The following TIGAR variants were observed in gnomAD, a reference collection of about 807,000 sequenced individuals.
TIGAR encodes TP53 induced glycolysis regulatory phosphatase.
A neutral mutation model predicts 17.9 loss-of-function variants in TIGAR; 7 were observed. The ratio of observed to expected loss-of-function variants is 0.39; its 90% CI spans 0.22 to 0.73. The LOEUF is 0.73. TIGAR is among the 30% of genes least tolerant of loss of function. The probability of loss-of-function intolerance (pLI) is 0.42; values close to 1 mark genes in which losing one functional copy is unlikely to be tolerated. For synonymous variants in TIGAR, 94 were observed against 108.6 expected, an observed-to-expected ratio of 0.87 and a Z score of 0.84; for missense variants, 258 against 327.4, an observed-to-expected ratio of 0.79 and a Z score of 1.64.
intron 3 of TIGAR, among the ~76,000 whole-genome samples, chr12:4,337,692 G>A (rs1864675194): frequency 6.6e-6 from 1 of 152,180 alleles, no homozygotes; most frequent in African/African-American, 2.4e-5. Context: ...AAGCTATTAT[G>A]AGAGAGAGCA....
At position 4,325,326 on chromosome 12, in the gene TIGAR, G is replaced by T. The variant is rs556495129; in HGVS notation, c.32+4023G>T. 2.2e-4 allele frequency among the ~76,000 whole-genome samples: 33 copies of T among 152,192 alleles called. No homozygotes were observed. In the East Asian group the frequency reaches 5.8e-3, roughly 27 times the overall value. The stretch of plus-strand genomic sequence containing the variant: ...TACTTTTTGTGTAATGCTAATAATT[G>T]TTCTGTATATTAATAAAGCAAGCAA... On this transcript the variant is annotated intron_variant, in intron 1 of 5. Transcript: ENST00000179259.
rs188657967 is a variant in TIGAR at position 4,340,506 on chromosome 12, A to G, written c.192+3346A>G. Among the ~76,000 whole-genome samples the G allele has an allele frequency of 1.5e-4, 23 of 152,368 alleles. No homozygotes were observed. In the East Asian group the frequency reaches 4.0e-3, roughly 27 times the overall value. On this transcript the variant is annotated intron_variant, in intron 3 of 5. Transcript: ENST00000179259. ...AATCTACAGATTCAATGCAATTTCT[A>G]TCAAAATACCAATGACATTCTTCAC...
rs4026708 is a variant in TIGAR, at chr12:4,358,103, CAAAA to C, written c.*5427_*5430del. Among the ~76,000 whole-genome samples the C allele has an allele frequency of 3.2e-5, 4 of 123,244 alleles. No individual in the cohort carries two copies. Among genetic ancestry groups the C allele is most frequent in the Admixed American group, 8.6e-5 (1 of 11,688 alleles). 80.9% of individuals were successfully genotyped at this position (123,244 alleles called of 152,430 possible). On this transcript the variant is annotated 3_prime_UTR_variant, in exon 6 of 6. Coordinates refer to ENST00000179259, the MANE Select transcript of TIGAR (RefSeq NM_020375.3). ...TGGGTGACAGAGCAAGACTGGGTCT[CAAAA>C]AAAAAAAAAAAAAATCATTTGATAA...
At chr12:4,340,430 T>C (rs754564925) in intron 3 of TIGAR, among the ~76,000 whole-genome samples, 3 of 152,220 alleles carry the variant, frequency 2.0e-5, no homozygotes, top group Non-Finnish European at 2.9e-5. Context: ...ATATTCTATA[T>C]TCATAGATTA....
At chr12:4,333,658 G>A (rs571187383) in intron 2 of TIGAR, among the ~76,000 whole-genome samples, 3 of 152,184 alleles carry the variant, frequency 2.0e-5, no homozygotes, top group East Asian at 1.9e-4. Flanking sequence ...TAGTAGAGAC[G>A]GGGTTTTACC....
In TIGAR at chr12:4,351,268, A is replaced by C. The variant is rs762896513; in HGVS notation, c.272A>C (p.Lys91Thr). The C allele has an allele frequency of 8.1e-6, 13 of 1,613,864 alleles. No individual in the cohort carries two copies. In the Admixed American group the frequency reaches 2.2e-4, roughly 27 times the overall value. ...VKYDSRLRER[K>T]YGVVEGKALS... is the part of the protein sequence containing the mutation. ...CTGTTATCTATTGGACTGTTTCAGA[A>C]ATACGGGGTTGTAGAAGGCAAAGCG... The change falls in exon 5 of 6, where the codon AAA (lysine) becomes ACA (threonine). Residue 91 changes from lysine to threonine, a missense_variant and splice_region_variant. Transcript: ENST00000179259.
rs1565451052 is a variant in TIGAR, at chr12:4,351,425, T to TA, written c.381+49dup. ...GAATGGTTGAATTAAGACTCAAAAT[T>TA]AGATGTTTTGGAATTTTAGCTAAGC... On this transcript the variant is annotated intron_variant, in intron 5 of 5. Coordinates refer to ENST00000179259, the MANE Select transcript of TIGAR (RefSeq NM_020375.3). 4.6e-6 allele frequency: 7 copies of TA among 1,520,420 alleles called. No homozygotes were observed. The Admixed American group carries it at 7.1e-5, about 15-fold the overall frequency. 94.2% of individuals were successfully genotyped at this position (1,520,420 alleles called of 1,614,324 possible).
At chr12:4,324,921 A>T in intron 1 of TIGAR, 1 of 319,722 alleles carries the variant, frequency 3.1e-6, no homozygotes, top group Non-Finnish European at 5.6e-6. Flanking sequence ...AAAATGAATT[A>T]GTAAAGTTTT....
rs956969334 is a variant in TIGAR at position 4,337,056 on chromosome 12, C to T, written c.88C>T (p.Pro30Ser). The T allele has an allele frequency of 1.1e-5, 17 of 1,610,606 alleles. No individual in the cohort carries two copies. In the African/African-American group the frequency reaches 2.0e-4, roughly 19 times the overall value. ...TATCACAGGACAAGGAGTAGATGAA[C>T]CTCTTTCAGAAACTGGATTTAAACA... ...KIIQGQGVDE[P>S]LSETGFKQAA... Residue 30 changes from proline to serine, a missense_variant, in exon 3 of 6, where the codon CCT (proline) becomes TCT (serine). Transcript: ENST00000179259.
At chr12:4,341,462 C>T (rs897258527) in intron 3 of TIGAR, among the ~76,000 whole-genome samples, 7 of 152,232 alleles carry the variant, frequency 4.6e-5, no homozygotes, top group Non-Finnish European at 4.4e-5. Context: ...CCCTGACCCC[C>T]GAGTAGCTTA....
chr12:4,338,327 A>T (rs374664908), intron 3 of TIGAR, among the ~76,000 whole-genome samples: 1 of 152,140 alleles, frequency 6.6e-6, no homozygotes, highest in East Asian at 1.9e-4. Flanking sequence ...ATGATGCCTG[A>T]ATGAAGTAGA....
chr12:4,346,660 C>T (rs1374293865), intron 3 of TIGAR, among the ~76,000 whole-genome samples: 2 of 151,816 alleles, frequency 1.3e-5, no homozygotes, highest in Non-Finnish European at 1.5e-5. Context: ...ATGTAAATGG[C>T]GAGTTAATGG....
chr12:4,336,446 G>GCGCA (rs1491292159), intron 2 of TIGAR, among the ~76,000 whole-genome samples: 129 of 138,568 alleles, frequency 9.3e-4, no homozygotes, highest in East Asian at 3.1e-3. Flanking sequence ...CAGCAATGCA[G>GCGCA]CACACACACA....
At position 4,354,319 on chromosome 12, in the gene TIGAR, AATTATCT is replaced by A. The variant is rs1426266732; in HGVS notation, c.*1629_*1635del. 6.6e-6 allele frequency: 1 copy of A among 152,170 alleles called. No homozygotes were observed. The highest frequency in any genetic ancestry group is 2.4e-5 in the African/African-American group (1 of 41,450). 9.4% of individuals were successfully genotyped at this position (152,170 alleles called of 1,614,324 possible). Reference sequence around the variant, plus strand: ...AAAATAAGCAAAAAGGACAGACAATAATTATCTCCATTCCCACCATACTGAAGTCATC... The same window carrying A: ...AAAATAAGCAAAAAGGACAGACAATACCATTCCCACCATACTGAAGTCATC... On this transcript the variant is annotated 3_prime_UTR_variant, in exon 6 of 6. Transcript: ENST00000179259.
chr12:4,334,464 G>GACATTTCAATTGTCATTTACTCT (rs1864637335), intron 2 of TIGAR, among the ~76,000 whole-genome samples: 1 of 152,058 alleles, frequency 6.6e-6, no homozygotes, highest in Non-Finnish European at 1.5e-5. Flanking sequence ...AATTTTGGGG[G>GACATTTCAATTGTCATTTACTCT]GACACATTTA....
chr12:4,334,767 A>G (rs1864640780), intron 2 of TIGAR, among the ~76,000 whole-genome samples: 1 of 152,140 alleles, frequency 6.6e-6, no homozygotes, highest in African/African-American at 2.4e-5. Context: ...GTAACTGATG[A>G]TTCTCTCAGC....
chr12:4,352,358 C>A lies in TIGAR; in HGVS notation c.480C>A (p.Asn160Lys), dbSNP rs375369594. ...AGTTTTCCCAAGGATCTCCAAGCAA[C>A]TGTCTGGAAACTTCTTTGGCAGAGA... is the stretch of plus-strand genomic sequence containing the variant. ...KEQFSQGSPSNCLETSLAEIF... is the reference protein window; with the variant it reads ...KEQFSQGSPSKCLETSLAEIF... Residue 160 changes from asparagine to lysine, a missense_variant, in exon 6 of 6, where the codon AAC becomes AAA. Physicochemically the swap from Asn to Lys is moderately conservative, Grantham distance 94. Transcript: ENST00000179259. 3.1e-6 allele frequency: 5 copies of A among 1,614,038 alleles called. No individual in the cohort carries two copies. In the African/African-American group the frequency reaches 6.7e-5, roughly 22 times the overall value.
intron 4 of TIGAR, among the ~76,000 whole-genome samples, chr12:4,350,250 T>C (rs1864823877): frequency 6.6e-6 from 1 of 152,354 alleles, no homozygotes; most frequent in Non-Finnish European, 1.5e-5. Context: ...ATGTAAATAA[T>C]GTCAAAATAA....
intron 4 of TIGAR, among the ~76,000 whole-genome samples, chr12:4,350,896 T>A (rs1367869135): frequency 6.6e-6 from 1 of 152,236 alleles, no homozygotes; most frequent in Non-Finnish European, 1.5e-5. Context: ...GTCATTGGGA[T>A]CAAATGGTGT....
Sources: gnomAD v4.1 joint callset for allele counts (sites outside exome capture counted in the v4.1 genomes callset) on GRCh38, gnomAD v4.1.1 for gene constraint, MANE v1.5 for transcripts, NCBI Gene and HGNC (gene_info 2026-07-23, HGNC 2026-07-21) for gene names.